Variants in CNTN5 observed in about 807,000 individuals in gnomAD.
The protein encoded by CNTN5 is contactin 5.
Under a neutral mutation model 129.1 loss-of-function variants are expected in CNTN5, and 77 were observed. The ratio of observed to expected loss-of-function variants is 0.60; its 90% CI spans 0.50 to 0.72. The LOEUF (loss-of-function observed/expected upper bound fraction) is 0.72, where lower values mean the gene tolerates loss of function less well. Among genes scored for constraint, CNTN5 ranks in the 30% least tolerant of loss-of-function variants. The pLI, the probability that CNTN5 is intolerant of heterozygous loss-of-function variation, is 0.00. For missense variants in CNTN5, 1,478 were observed against 1,328.8 expected, an observed-to-expected ratio of 1.11 and a Z score of -1.75; for synonymous variants, 509 against 465.6, an observed-to-expected ratio of 1.09 and a Z score of -1.20.
intron 6 of CNTN5, among the ~76,000 whole-genome samples, chr11:99,907,979 T>A (rs187834897): frequency 6.6e-6 from 1 of 152,122 alleles, no homozygotes; most frequent in African/African-American, 2.4e-5. Flanking sequence ...ATAGGTAATA[T>A]AAAATTACAC....
At chr11:99,138,004 A>AT (rs1324287549) in intron 1 of CNTN5, among the ~76,000 whole-genome samples, 1 of 152,240 alleles carries the variant, frequency 6.6e-6, no homozygotes, top group Non-Finnish European at 1.5e-5. Context: ...ACACTTGTTC[A>AT]TACAATACAT....
At chr11:99,920,417 C>T (rs1291666933) in intron 7 of CNTN5, among the ~76,000 whole-genome samples, 1 of 152,166 alleles carries the variant, frequency 6.6e-6, no homozygotes, top group East Asian at 1.9e-4. Flanking sequence ...ACATACATCT[C>T]TAACCCAGAC....
chr11:99,385,866 CT>C (rs1450400615), intron 2 of CNTN5, among the ~76,000 whole-genome samples: 1 of 152,106 alleles, frequency 6.6e-6, no homozygotes, highest in Non-Finnish European at 1.5e-5. Context: ...CCTACAAGAT[CT>C]TTAGACAGTC....
chr11:99,809,604 C>G (rs1033247600), intron 3 of CNTN5, among the ~76,000 whole-genome samples: 5 of 151,924 alleles, frequency 3.3e-5, no homozygotes, highest in African/African-American at 7.3e-5. Context: ...GTACACCCAC[C>G]TTTTACAGAT....
chr11:100,325,715 T>A (rs1951775838), intron 21 of CNTN5, among the ~76,000 whole-genome samples: 1 of 152,148 alleles, frequency 6.6e-6, no homozygotes, highest in Non-Finnish European at 1.5e-5. Context: ...ATCTGGCATC[T>A]CCCTGCACAG....
chr11:99,910,581 T>C (rs1949632316), intron 6 of CNTN5, among the ~76,000 whole-genome samples: 1 of 152,104 alleles, frequency 6.6e-6, no homozygotes, highest in Non-Finnish European at 1.5e-5. Context: ...CCTGGTATAG[T>C]TTTTAAAACT....
At chr11:99,206,301 A>C (rs1859478807) in intron 1 of CNTN5, among the ~76,000 whole-genome samples, 1 of 152,096 alleles carries the variant, frequency 6.6e-6, no homozygotes, top group Non-Finnish European at 1.5e-5. Flanking sequence ...AGGAGGTATA[A>C]GAAAGGACCC....
At chr11:100,031,908 G>A (rs1397727627) in intron 9 of CNTN5, among the ~76,000 whole-genome samples, 2 of 152,010 alleles carry the variant, frequency 1.3e-5, no homozygotes, top group Non-Finnish European at 2.9e-5. Context: ...GGTATATCCA[G>A]TGCATTGGTG....
At chr11:99,844,701 A>G (rs551893881) in intron 4 of CNTN5, 151 bp from the exon 5 acceptor site, 2 of 655,142 alleles carry the variant, frequency 3.1e-6, no homozygotes, top group Non-Finnish European at 5.2e-6. Flanking sequence ...AAAACAATGC[A>G]GTTTTCTAGC....
intron 1 of CNTN5, among the ~76,000 whole-genome samples, chr11:99,322,234 A>T (rs112458068): frequency 8.3e-4 from 126 of 151,954 alleles, no homozygotes; most frequent in Non-Finnish European, 1.3e-3. Flanking sequence ...CGGCGGCCTT[A>T]CTCCTGTCTT....
intron 13 of CNTN5, among the ~76,000 whole-genome samples, chr11:100,077,926 A>G (rs972623638): frequency 1.3e-5 from 2 of 152,178 alleles, no homozygotes; most frequent in African/African-American, 4.8e-5. Context: ...GTCCAGAGCA[A>G]TGGCATAAAA....
Position 99,473,212 on chromosome 11 carries a change from C to T in CNTN5, c.-70-82933C>T, listed in dbSNP as rs113293342. ...TTATACTTGCTTTGCTTTTTAGCAA[C>T]AACCTTGGAAAATCTTTTGATACTT... On this transcript the variant is annotated intron_variant, in intron 2 of 24. Transcript: ENST00000524871. Among the ~76,000 whole-genome samples, 1,496 of 152,180 alleles carry T rather than the reference C, an allele frequency of 9.8e-3. 24 individuals carry two copies. The highest frequency in any genetic ancestry group is 0.034 in the African/African-American group (1,397 of 41,518).
intron 1 of CNTN5, among the ~76,000 whole-genome samples, chr11:99,303,090 C>G (rs1011279584): frequency 1.3e-5 from 2 of 151,592 alleles, no homozygotes; most frequent in African/African-American, 4.8e-5. Context: ...CATGTTTTTG[C>G]AGTGACATGA....
intron 2 of CNTN5, among the ~76,000 whole-genome samples, chr11:99,365,482 A>G (rs948169316): frequency 1.3e-5 from 2 of 152,144 alleles, no homozygotes; most frequent in Non-Finnish European, 2.9e-5. Flanking sequence ...AGAAGAGAAA[A>G]CAATTTTAGA....
rs761911691 is a variant in CNTN5, at chr11:100,071,799, G to A, written c.1394G>A (p.Gly465Glu). The A allele has an allele frequency of 5.0e-6, 8 of 1,607,808 alleles. No individual in the cohort carries two copies. In the Admixed American group the frequency reaches 1.4e-4, roughly 27 times the overall value. Residue 465 changes from glycine to glutamate, a missense_variant, in exon 12 of 25, where the codon GGA becomes GAA. By Grantham distance (98) the Gly-to-Glu change is moderately conservative (BLOSUM62 -2). Coordinates refer to ENST00000524871, the MANE Select transcript of CNTN5 (RefSeq NM_014361.4). ...CAGTGTTTGGCTGAAAATAAGTATG[G>A]AGCCATTTACGCTAGTGCTGAGCTG... ...MYQCLAENKYGAIYASAELKI... is the reference protein window; with the variant it reads ...MYQCLAENKYEAIYASAELKI...
At chr11:99,564,734 T>C (rs1367462095) in intron 3 of CNTN5, among the ~76,000 whole-genome samples, 2 of 152,142 alleles carry the variant, frequency 1.3e-5, no homozygotes, top group East Asian at 3.9e-4. Flanking sequence ...GAATTCTTTT[T>C]TTGGAACACA....
chr11:100,161,563 A>G lies in CNTN5; in HGVS notation c.1581-29563A>G, dbSNP rs541167818. 8.6e-5 allele frequency among the ~76,000 whole-genome samples: 13 copies of G among 151,972 alleles called. No homozygotes were observed. The South Asian group carries it at 2.7e-3, about 32-fold the overall frequency. ...AAGTAACTTTACAGAGAGAATGTCTAATCAGAGACTAAACTGACTTCACAT... is the reference window on the plus strand; with the variant it reads ...AAGTAACTTTACAGAGAGAATGTCTGATCAGAGACTAAACTGACTTCACAT... On this transcript the variant is annotated intron_variant, in intron 13 of 24. Coordinates refer to ENST00000524871, the MANE Select transcript of CNTN5 (RefSeq NM_014361.4).
At chr11:100,027,074 T>C (rs1355998181) in intron 9 of CNTN5, among the ~76,000 whole-genome samples, 1 of 152,186 alleles carries the variant, frequency 6.6e-6, no homozygotes, top group Non-Finnish European at 1.5e-5. Context: ...TTTCTCTAGG[T>C]TTTGAACACA....
chr11:99,905,400 C>G (rs888020454), intron 6 of CNTN5, among the ~76,000 whole-genome samples: 2 of 152,248 alleles, frequency 1.3e-5, no homozygotes, highest in African/African-American at 4.8e-5. Flanking sequence ...ATAGAAAATT[C>G]TTTCCCCATG....
Sources: allele counts gnomAD v4.1 joint callset (sites outside exome capture counted in the v4.1 genomes callset), GRCh38; gene constraint gnomAD v4.1.1; transcripts MANE v1.5; gene names NCBI Gene and HGNC (gene_info 2026-07-23, HGNC 2026-07-21).